The following RBFOX1 variants were observed in gnomAD, a reference collection of about 807,000 sequenced individuals.
RBFOX1 encodes the protein RNA binding protein fox-1 homolog 1.
A neutral mutation model predicts 57.7 loss-of-function variants in RBFOX1; 8 were observed. That is an observed-to-expected ratio of 0.14 (90% confidence interval 0.08 to 0.25). The LOEUF (loss-of-function observed/expected upper bound fraction) is 0.25, where lower values mean the gene tolerates loss of function less well. Ranked by LOEUF, RBFOX1 falls within the 10% of genes least tolerant of loss-of-function variation. The pLI, the probability that RBFOX1 is intolerant of heterozygous loss-of-function variation, is 1.00. For synonymous variants in RBFOX1, 326 were observed against 222.4 expected, an observed-to-expected ratio of 1.47 and a Z score of -4.15; for missense variants, 611 against 548.5, an observed-to-expected ratio of 1.11 and a Z score of -1.14.
chr16:6,068,265 G>A (rs1469974827), intron 1 of RBFOX1, among the ~76,000 whole-genome samples: 2 of 152,148 alleles, frequency 1.3e-5, no homozygotes, highest in South Asian at 2.1e-4. Flanking sequence ...GCAGACTTCA[G>A]CCTTACTTTG....
chr16:7,274,763 C>A (rs79859935), intron 4 of RBFOX1, among the ~76,000 whole-genome samples: 25 of 152,066 alleles, frequency 1.6e-4, no homozygotes, highest in Admixed American at 3.9e-4. Flanking sequence ...TAGCTCACAT[C>A]AATCTCTGCC....
chr16:7,141,353 C>T (rs1307124746), intron 4 of RBFOX1, among the ~76,000 whole-genome samples: 2 of 152,172 alleles, frequency 1.3e-5, no homozygotes, highest in African/African-American at 2.4e-5. Context: ...TAATGCTGAC[C>T]AAGACAGATA....
In RBFOX1 at chr16:7,149,178, A is replaced by G. The variant is rs116878528; in HGVS notation, c.27+97080A>G. 5.2e-3 allele frequency among the ~76,000 whole-genome samples: 794 copies of G among 152,002 alleles called. 9 individuals are homozygous for G. The highest frequency in any genetic ancestry group is 0.017 in the African/African-American group (724 of 41,456). Reference sequence around the variant, plus strand: ...CATTTCCTACTGCCCAGTTTCCCCAATTCTCCTCCTTCATGTTTTTTTATT... The same window carrying G: ...CATTTCCTACTGCCCAGTTTCCCCAGTTCTCCTCCTTCATGTTTTTTTATT... On this transcript the variant is annotated intron_variant, in intron 4 of 15. Transcript: ENST00000550418.
chr16:6,576,180 C>G (rs946696673), intron 2 of RBFOX1, among the ~76,000 whole-genome samples: 2 of 152,090 alleles, frequency 1.3e-5, no homozygotes, highest in Non-Finnish European at 2.9e-5. Flanking sequence ...CATTTTGCAA[C>G]CTGCTTATTC....
At chr16:6,730,312 C>T (rs897378031) in intron 3 of RBFOX1, among the ~76,000 whole-genome samples, 1 of 152,096 alleles carries the variant, frequency 6.6e-6, no homozygotes, top group Non-Finnish European at 1.5e-5. Context: ...TCCCTTGAAT[C>T]TCATTCTTGC....
At chr16:6,909,647 T>G (rs1185238549) in intron 3 of RBFOX1, among the ~76,000 whole-genome samples, 2 of 152,194 alleles carry the variant, frequency 1.3e-5, no homozygotes, top group African/African-American at 4.8e-5. Flanking sequence ...GACAAAGAAA[T>G]TATCAAGTGA....
intron 3 of RBFOX1, among the ~76,000 whole-genome samples, chr16:6,656,666 A>T (rs1166841182): frequency 6.6e-6 from 1 of 151,896 alleles, no homozygotes; most frequent in Non-Finnish European, 1.5e-5. Context: ...GATTGAGTCA[A>T]TAATGTCAAA....
intron 2 of RBFOX1, among the ~76,000 whole-genome samples, chr16:6,568,945 C>T (rs1225873267): frequency 6.6e-6 from 1 of 151,994 alleles, no homozygotes; most frequent in African/African-American, 2.4e-5. Flanking sequence ...CGTGATTTTT[C>T]CATTTTTAGT....
chr16:7,204,510 G>T (rs984873579), intron 4 of RBFOX1, among the ~76,000 whole-genome samples: 7 of 152,112 alleles, frequency 4.6e-5, no homozygotes, highest in African/African-American at 1.7e-4. Context: ...GCCAGGCATG[G>T]TGATATGCAC....
intron 4 of RBFOX1, among the ~76,000 whole-genome samples, chr16:7,362,938 C>G (rs2097357847): frequency 6.6e-6 from 1 of 152,096 alleles, no homozygotes. Context: ...AGTGTGTGAC[C>G]TTGGACAAGT....
intron 3 of RBFOX1, among the ~76,000 whole-genome samples, chr16:5,736,469 G>A (rs555571535): frequency 2.6e-5 from 4 of 152,016 alleles, no homozygotes; most frequent in South Asian, 2.1e-4. Context: ...CTTCTGCTGC[G>A]TTTCCCTCCC....
At chr16:6,484,854 A>T (rs763125674) in intron 2 of RBFOX1, among the ~76,000 whole-genome samples, 1 of 152,208 alleles carries the variant, frequency 6.6e-6, no homozygotes, top group East Asian at 1.9e-4. Context: ...CATTGTTGAC[A>T]TGGTTTCAAT....
At chr16:7,251,433 G>C (rs1360570021) in intron 4 of RBFOX1, among the ~76,000 whole-genome samples, 5 of 144,710 alleles carry the variant, frequency 3.5e-5, no homozygotes, top group African/African-American at 1.3e-4. Flanking sequence ...TGTGGGGGAT[G>C]GAGTTTTGTT....
intron 3 of RBFOX1, among the ~76,000 whole-genome samples, chr16:6,908,442 T>C (rs937757344): frequency 1.3e-5 from 2 of 152,172 alleles, no homozygotes; most frequent in African/African-American, 4.8e-5. Context: ...CTCTGGCCTC[T>C]GGTGTGACCT....
At chr16:7,603,681 T>C (rs893895276) in intron 9 of RBFOX1, among the ~76,000 whole-genome samples, 1 of 151,916 alleles carries the variant, frequency 6.6e-6, no homozygotes, top group Non-Finnish European at 1.5e-5. Flanking sequence ...TGGGGGGTTT[T>C]ATAAAGATGA....
intron 1 of RBFOX1, among the ~76,000 whole-genome samples, chr16:6,314,532 C>T (rs774501707): frequency 1.3e-5 from 2 of 152,020 alleles, no homozygotes; most frequent in Admixed American, 6.6e-5. Flanking sequence ...AGGTGAAGGG[C>T]AGTTTAGGAT....
intron 3 of RBFOX1, among the ~76,000 whole-genome samples, chr16:6,925,617 G>C (rs2075432865): frequency 6.6e-6 from 1 of 151,908 alleles, no homozygotes; most frequent in African/African-American, 2.4e-5. Flanking sequence ...AATATTTGGG[G>C]GCATCAGTAA....
intron 2 of RBFOX1, among the ~76,000 whole-genome samples, chr16:6,521,171 A>G (rs1213600011): frequency 6.6e-6 from 1 of 152,150 alleles, no homozygotes; most frequent in Non-Finnish European, 1.5e-5. Flanking sequence ...GGGAGAAGAA[A>G]AATACCTAAC....
At chr16:7,360,777 C>G (rs894695872) in intron 4 of RBFOX1, among the ~76,000 whole-genome samples, 1 of 152,162 alleles carries the variant, frequency 6.6e-6, no homozygotes, top group Non-Finnish European at 1.5e-5. Context: ...TTGGCCAAGT[C>G]TTCTTTTCAC....
Sources: gnomAD v4.1 joint callset for allele counts (sites outside exome capture counted in the v4.1 genomes callset) on GRCh38, gnomAD v4.1.1 for gene constraint, MANE v1.5 for transcripts, NCBI Gene and HGNC (gene_info 2026-07-23, HGNC 2026-07-21) for gene names.